The following C8orf34 variants were observed in gnomAD, a reference collection of about 807,000 sequenced individuals.
C8orf34 encodes chromosome 8 open reading frame 34, also known as uncharacterized protein C8orf34.
A neutral mutation model predicts 68.3 loss-of-function variants in C8orf34; 65 were observed. The observed-to-expected ratio is 0.95, with a 90% CI of 0.78 to 1.17. C8orf34 has a LOEUF of 1.17. C8orf34 is among the 50% of genes most tolerant of loss of function. The probability of loss-of-function intolerance (pLI) is 0.00; values close to 1 mark genes in which losing one functional copy is unlikely to be tolerated. For synonymous variants in C8orf34, 244 were observed against 241.2 expected, an observed-to-expected ratio of 1.01 and a Z score of -0.11; for missense variants, 664 against 655.4, an observed-to-expected ratio of 1.01 and a Z score of -0.14.
intron 1 of C8orf34, among the ~76,000 whole-genome samples, chr8:68,429,831 T>C (rs1810379245): frequency 6.6e-6 from 1 of 152,200 alleles, no homozygotes; most frequent in African/African-American, 2.4e-5. Flanking sequence ...TATTTTAACA[T>C]TGACAACAGG....
chr8:68,669,437 C>T (rs60975074), intron 8 of C8orf34, among the ~76,000 whole-genome samples: 10,652 of 152,158 alleles, frequency 0.07, 531 homozygotes, highest in African/African-American at 0.14. Flanking sequence ...ACAACATATT[C>T]ATATGTTTTT....
At chr8:68,513,514 G>A (rs1255341745) in intron 5 of C8orf34, among the ~76,000 whole-genome samples, 1 of 152,176 alleles carries the variant, frequency 6.6e-6, no homozygotes, top group South Asian at 2.1e-4. Context: ...AAACTTTGCA[G>A]AGAATATAAA....
intron 1 of C8orf34, among the ~76,000 whole-genome samples, chr8:68,423,247 C>T (rs1032024767): frequency 7.2e-5 from 11 of 152,204 alleles, no homozygotes; most frequent in Middle Eastern, 3.4e-3. Context: ...TGTTCTGTTT[C>T]CTCTTGAATG....
At chr8:68,566,566 A>T (rs1273274346) in intron 7 of C8orf34, among the ~76,000 whole-genome samples, 1 of 151,872 alleles carries the variant, frequency 6.6e-6, no homozygotes, top group Non-Finnish European at 1.5e-5. Context: ...TCATGAACCA[A>T]CCCCCGCTAG....
At chr8:68,628,759 A>G (rs1170047171) in intron 7 of C8orf34, among the ~76,000 whole-genome samples, 1 of 152,184 alleles carries the variant, frequency 6.6e-6, no homozygotes, top group East Asian at 1.9e-4. Context: ...AAATTCACTC[A>G]TCTCCCACAT....
At chr8:68,690,592 C>T (rs1385839175) in intron 8 of C8orf34, among the ~76,000 whole-genome samples, 1 of 151,944 alleles carries the variant, frequency 6.6e-6, no homozygotes, top group Non-Finnish European at 1.5e-5. Context: ...CCTTCCACCT[C>T]TTCTATAAGG....
chr8:68,637,732 T>C (rs1818887588), intron 7 of C8orf34, among the ~76,000 whole-genome samples: 1 of 152,162 alleles, frequency 6.6e-6, no homozygotes, highest in South Asian at 2.1e-4. Context: ...ATAGGGTTTT[T>C]TTGTGAGAAA....
At chr8:68,616,941 C>T (rs1176152043) in intron 7 of C8orf34, among the ~76,000 whole-genome samples, 2 of 152,172 alleles carry the variant, frequency 1.3e-5, no homozygotes, top group African/African-American at 2.4e-5. Context: ...TTGTAGGTCA[C>T]TCAGGACTTG....
At chr8:68,761,876 G>A (rs893413279) in intron 10 of C8orf34, among the ~76,000 whole-genome samples, 8 of 151,730 alleles carry the variant, frequency 5.3e-5, no homozygotes, top group African/African-American at 1.9e-4. Flanking sequence ...TTATAATCCC[G>A]TGTCTATGTG....
At chr8:68,807,554 G>A (rs1048972356) in intron 12 of C8orf34, among the ~76,000 whole-genome samples, 1 of 151,694 alleles carries the variant, frequency 6.6e-6, no homozygotes, top group South Asian at 2.1e-4. Context: ...TTCTTATTAA[G>A]CATATTTATT....
intron 8 of C8orf34, among the ~76,000 whole-genome samples, chr8:68,669,044 A>G (rs1819928255): frequency 6.6e-6 from 1 of 152,190 alleles, no homozygotes; most frequent in Non-Finnish European, 1.5e-5. Context: ...GACTTACAGA[A>G]CTGTGAGATA....
rs561212991 is a variant in C8orf34 at position 68,330,979 on chromosome 8, G to A, written c.-34G>A. ...CACTGCGCCGGGCGCTGCGGAGAGC[G>A]GCGAGGGTGGGCGCGAGGCGGAGAA... On this transcript the variant is annotated 5_prime_UTR_variant, in exon 1 of 14. Transcript: ENST00000518698. The A allele has an allele frequency of 1.5e-6, 2 of 1,356,584 alleles. No homozygotes were observed. The highest frequency in any genetic ancestry group is 3.0e-5 in the East Asian group (1 of 33,252). The allele number at this position is 1,356,584 out of a possible 1,614,324, so 84.0% of individuals were successfully genotyped here.
chr8:68,696,670 C>CA (rs1367847653), intron 8 of C8orf34, among the ~76,000 whole-genome samples: 2 of 151,982 alleles, frequency 1.3e-5, no homozygotes, highest in Admixed American at 6.6e-5. Flanking sequence ...CATCTGTCCC[C>CA]AAATCATGTT....
Position 68,718,074 on chromosome 8 carries a change from C to A in C8orf34, c.1328-3287C>A, listed in dbSNP as rs150300875. 4.4e-3 allele frequency among the ~76,000 whole-genome samples: 670 copies of A among 152,266 alleles called. 11 individuals carry two copies. The highest frequency in any genetic ancestry group is 0.015 in the African/African-American group (632 of 41,540). On this transcript the variant is annotated intron_variant, in intron 9 of 13. Coordinates refer to ENST00000518698, the MANE Select transcript of C8orf34 (RefSeq NM_052958.4). ...CCTAGCAATAAGGCCTTTTCCCTCCCTTCTCTGCCTATTTAGATCACCTGT... is the reference window on the plus strand; with the variant it reads ...CCTAGCAATAAGGCCTTTTCCCTCCATTCTCTGCCTATTTAGATCACCTGT...
chr8:68,426,157 T>C (rs1252075213), intron 1 of C8orf34, among the ~76,000 whole-genome samples: 1 of 152,134 alleles, frequency 6.6e-6, no homozygotes, highest in Non-Finnish European at 1.5e-5. Context: ...GTATGACTAA[T>C]AAATAAAATT....
At chr8:68,635,850 C>A (rs1430277870) in intron 7 of C8orf34, among the ~76,000 whole-genome samples, 1 of 152,186 alleles carries the variant, frequency 6.6e-6, no homozygotes, top group Non-Finnish European at 1.5e-5. Context: ...ACTCTAATAT[C>A]TCTTCTCTAT....
intron 12 of C8orf34, among the ~76,000 whole-genome samples, chr8:68,814,730 A>G (rs1318122134): frequency 6.6e-6 from 1 of 152,200 alleles, no homozygotes; most frequent in Admixed American, 6.5e-5. Context: ...CTAGCTTAAT[A>G]TAAAATCCAT....
chr8:68,776,769 G>A (rs1313090312), intron 11 of C8orf34, among the ~76,000 whole-genome samples: 2 of 152,038 alleles, frequency 1.3e-5, no homozygotes, highest in Non-Finnish European at 2.9e-5. Flanking sequence ...ACATTGGAGT[G>A]TGCACAAAAA....
chr8:68,647,411 A>G (rs1420940886), intron 8 of C8orf34, among the ~76,000 whole-genome samples: 1 of 152,194 alleles, frequency 6.6e-6, no homozygotes, highest in South Asian at 2.1e-4. Flanking sequence ...TCAAAATAGA[A>G]TTACTATATG....
Sources: gnomAD v4.1 joint callset for allele counts (sites outside exome capture counted in the v4.1 genomes callset) on GRCh38, gnomAD v4.1.1 for gene constraint, MANE v1.5 for transcripts, NCBI Gene and HGNC (gene_info 2026-07-23, HGNC 2026-07-21) for gene names.